Variants in CTNNA2 observed in about 807,000 individuals in gnomAD.
The protein encoded by CTNNA2 is catenin alpha 2.
In CTNNA2, 42 loss-of-function variants were observed where a neutral mutation model predicts 101.0. The ratio of observed to expected loss-of-function variants is 0.42; its 90% CI spans 0.32 to 0.54. CTNNA2 has a LOEUF of 0.54. CTNNA2 is among the 20% of genes least tolerant of loss of function. The pLI, the probability that CTNNA2 is intolerant of heterozygous loss-of-function variation, is 0.14. For missense variants in CTNNA2, 871 were observed against 1,223.1 expected (o/e 0.71, Z 4.29); for synonymous variants, 450 against 456.4 (o/e 0.99, Z 0.18).
At position 79,252,312 on chromosome 2, in the gene CTNNA2, A is replaced by G. The variant is rs139033415; in HGVS notation, c.-406+54236A>G. On this transcript the variant is annotated intron_variant, in intron 2 of 21. Transcript: ENST00000466387. ...AAGAGATTTTTTTTTTTCATACAGTAGGTATAGTTTCTCTGTAATAAAATA... is the reference window on the plus strand; with the variant it reads ...AAGAGATTTTTTTTTTTCATACAGTGGGTATAGTTTCTCTGTAATAAAATA... Among the ~76,000 whole-genome samples the G allele has an allele frequency of 4.0e-3, 604 of 151,752 alleles. 5 individuals carry two copies. Among genetic ancestry groups the G allele is most frequent in the African/African-American group, 0.014 (579 of 41,424 alleles).
intron 7 of CTNNA2, among the ~76,000 whole-genome samples, chr2:80,019,123 C>T (rs537095409): frequency 7.2e-5 from 11 of 152,192 alleles, no homozygotes; most frequent in African/African-American, 2.4e-4. Flanking sequence ...TGGGAGAATA[C>T]GTGTAGGTTA....
At chr2:79,489,704 A>C (rs190275830) in intron 4 of CTNNA2, among the ~76,000 whole-genome samples, 1 of 152,328 alleles carries the variant, frequency 6.6e-6, no homozygotes, top group East Asian at 1.9e-4. Context: ...GAAATCCCAG[A>C]GAATTTGAGG....
intron 7 of CTNNA2, among the ~76,000 whole-genome samples, chr2:79,968,776 G>A (rs934966233): frequency 5.9e-5 from 9 of 151,476 alleles, no homozygotes; most frequent in African/African-American, 2.2e-4. Flanking sequence ...TTAGTTATTT[G>A]TCTTCGCCTT....
intron 2 of CTNNA2, among the ~76,000 whole-genome samples, chr2:79,731,838 GT>G (rs34010351): frequency 0.59 from 88,445 of 149,126 alleles, 27,518 homozygotes; most frequent in East Asian, 0.75. Flanking sequence ...CTTTATTTTT[GT>G]TTTTTTTTTT....
intron 7 of CTNNA2, among the ~76,000 whole-genome samples, chr2:80,383,144 C>T (rs1004694426): frequency 6.6e-6 from 1 of 152,066 alleles, no homozygotes; most frequent in African/African-American, 2.4e-5. Flanking sequence ...TGCAGGGTTG[C>T]CTGGCAAGTA....
chr2:80,469,927 C>G (rs1015008400), intron 9 of CTNNA2, among the ~76,000 whole-genome samples: 1 of 152,084 alleles, frequency 6.6e-6, no homozygotes, highest in Non-Finnish European at 1.5e-5. Flanking sequence ...GTCAATATAC[C>G]TTGAAAAGGT....
intron 4 of CTNNA2, among the ~76,000 whole-genome samples, chr2:79,385,201 C>T (rs1195457088): frequency 1.3e-5 from 2 of 152,072 alleles, no homozygotes; most frequent in Non-Finnish European, 2.9e-5. Context: ...AGGGATTGTT[C>T]CCACATAGGC....
At chr2:80,238,108 T>G (rs1488987641) in intron 7 of CTNNA2, among the ~76,000 whole-genome samples, 1 of 152,152 alleles carries the variant, frequency 6.6e-6, no homozygotes, top group African/African-American at 2.4e-5. Context: ...CTCCCTCCCC[T>G]GGCTCCAGCA....
chr2:80,170,189 GTCTC>G lies in CTNNA2; in HGVS notation c.1057-223006_1057-223003del, dbSNP rs773434399. ...TTCCAACTCTTAGTTCTGCCTGCTT[GTCTC>G]TCTCTCTCTCTCTCTATCTCTCTCT... On this transcript the variant is annotated intron_variant, in intron 7 of 18. Transcript: ENST00000402739. Among the ~76,000 whole-genome samples the G allele has an allele frequency of 9.5e-5, 14 of 147,640 alleles. 1 individual carries two copies. The East Asian group carries it at 9.9e-4, about 10-fold the overall frequency.
chr2:80,630,204 G>A (rs1175660169), intron 18 of CTNNA2, among the ~76,000 whole-genome samples: 2 of 152,126 alleles, frequency 1.3e-5, no homozygotes, highest in Non-Finnish European at 2.9e-5. Context: ...AATATTGTCT[G>A]AAATAAAAGT....
At chr2:79,860,221 C>T (rs963024791) in intron 4 of CTNNA2, among the ~76,000 whole-genome samples, 1 of 152,202 alleles carries the variant, frequency 6.6e-6, no homozygotes, top group African/African-American at 2.4e-5. Context: ...TCTTCCTTTA[C>T]CCCAGCAAGG....
chr2:79,394,003 T>A (rs1009834487), intron 4 of CTNNA2, among the ~76,000 whole-genome samples: 3 of 152,072 alleles, frequency 2.0e-5, no homozygotes, highest in African/African-American at 7.2e-5. Context: ...AATCCCATTA[T>A]CTGAGTGCCA....
At chr2:80,576,388 G>C (rs28589471) in intron 13 of CTNNA2, 1 of 137,938 alleles carries the variant, frequency 7.2e-6, no homozygotes, top group Non-Finnish European at 1.6e-5. Flanking sequence ...TTTTTTTTTT[G>C]CTTCTTCCTG....
intron 3 of CTNNA2, among the ~76,000 whole-genome samples, chr2:79,758,143 G>C (rs1285228667): frequency 1.3e-5 from 2 of 152,082 alleles, no homozygotes; most frequent in African/African-American, 4.8e-5. Flanking sequence ...CAAAATGTTT[G>C]ATTTGTGCAT....
chr2:80,442,134 A>G (rs1015825585), intron 9 of CTNNA2, among the ~76,000 whole-genome samples: 5 of 152,218 alleles, frequency 3.3e-5, no homozygotes, highest in Non-Finnish European at 7.3e-5. Flanking sequence ...CACATGGGCC[A>G]TCCTTGTGAT....
chr2:79,943,891 G>C (rs1457652830), intron 7 of CTNNA2, among the ~76,000 whole-genome samples: 4 of 152,098 alleles, frequency 2.6e-5, no homozygotes, highest in African/African-American at 9.7e-5. Flanking sequence ...TTAAAGATAT[G>C]CAATAAAATA....
chr2:80,512,844 A>G (rs777405373), intron 9 of CTNNA2, among the ~76,000 whole-genome samples: 4 of 152,034 alleles, frequency 2.6e-5, no homozygotes, highest in Middle Eastern at 3.4e-3. Flanking sequence ...GATATACTGC[A>G]TATCTATTTA....
At chr2:80,571,999 G>A (rs1694643778) in intron 12 of CTNNA2, among the ~76,000 whole-genome samples, 1 of 151,956 alleles carries the variant, frequency 6.6e-6, no homozygotes, top group African/African-American at 2.4e-5. Context: ...CTCCTAATCA[G>A]CATTTCTTTA....
intron 7 of CTNNA2, among the ~76,000 whole-genome samples, chr2:80,267,993 A>G (rs144827427): frequency 6.6e-6 from 1 of 152,314 alleles, no homozygotes; most frequent in African/African-American, 2.4e-5. Context: ...TATGGAACTG[A>G]CTTTATACTT....
Sources: gnomAD v4.1 joint callset for allele counts (sites outside exome capture counted in the v4.1 genomes callset) on GRCh38, gnomAD v4.1.1 for gene constraint, MANE v1.5 for transcripts, NCBI Gene and HGNC (gene_info 2026-07-23, HGNC 2026-07-21) for gene names.